Variants in CYP19A1 observed in about 807,000 individuals in gnomAD.
CYP19A1 encodes the protein cytochrome P450 family 19 subfamily A member 1.
A neutral mutation model predicts 44.4 loss-of-function variants in CYP19A1; 32 were observed. That is an observed-to-expected ratio of 0.72 (90% CI 0.54 to 0.97). The LOEUF is 0.97. CYP19A1 is among the 50% of genes least tolerant of loss of function. CYP19A1 has a pLI of 0.00. For missense variants in CYP19A1, 598 were observed against 637.8 expected (o/e 0.94, Z 0.67); for synonymous variants, 212 against 215.6 (o/e 0.98, Z 0.14).
intron 1 of CYP19A1, among the ~76,000 whole-genome samples, chr15:51,256,418 T>C (rs1158903905): frequency 2.0e-5 from 3 of 152,122 alleles, no homozygotes; most frequent in Non-Finnish European, 4.4e-5. Flanking sequence ...GACCTGAGAA[T>C]TGGGGAATTG....
At chr15:51,278,912 C>CATTTT (rs2035420812) in intron 1 of CYP19A1, 1 of 152,148 alleles carries the variant, frequency 6.6e-6, no homozygotes, top group African/African-American at 2.4e-5. Flanking sequence ...GGGACATTTA[C>CATTTT]ATTTTAGGAA....
rs34600565 is a variant in CYP19A1, at chr15:51,257,331, C to T, written c.-38-14381G>A. On this transcript the variant is annotated intron_variant, in intron 1 of 9. Transcript: ENST00000396402. Reference sequence around the variant, plus strand: ...CCAAGTGTAAACCTTGTGGTCATGGCCCCAATTCGCTACACTTCTGGGTTG... The same window carrying T: ...CCAAGTGTAAACCTTGTGGTCATGGTCCCAATTCGCTACACTTCTGGGTTG... Among the ~76,000 whole-genome samples, 444 of 152,328 alleles carry T rather than the reference C, an allele frequency of 2.9e-3. 8 individuals carry two copies. The East Asian group carries it at 0.059, about 20-fold the overall frequency.
intron 1 of CYP19A1, among the ~76,000 whole-genome samples, chr15:51,332,647 T>C (rs556262037): frequency 6.6e-6 from 1 of 152,358 alleles, no homozygotes; most frequent in South Asian, 2.1e-4. Flanking sequence ...CCCTTTTATC[T>C]GGTGGAAGAT....
chr15:51,309,392 G>T (rs2036271066), intron 1 of CYP19A1, among the ~76,000 whole-genome samples: 1 of 152,230 alleles, frequency 6.6e-6, no homozygotes, highest in Non-Finnish European at 1.5e-5. Flanking sequence ...CTAAGACAAA[G>T]ATATGGTTAA....
intron 2 of CYP19A1, 143 bp from the exon 3 acceptor site, chr15:51,237,152 GAAACAAAACA>G (rs3834541): frequency 1.5e-4 from 117 of 769,968 alleles, no homozygotes; most frequent in Middle Eastern, 3.5e-4. Flanking sequence ...AAAGTGATTT[GAAACAAAACA>G]AAACAAAACA....
At chr15:51,320,364 GAAGT>G (rs1240632130) in intron 1 of CYP19A1, 1 of 152,360 alleles carries the variant, frequency 6.6e-6, no homozygotes, top group Non-Finnish European at 1.5e-5. Context: ...AGCCCTGGGT[GAAGT>G]AAGCACTGGA....
intron 1 of CYP19A1, among the ~76,000 whole-genome samples, chr15:51,302,031 A>G (rs993548548): frequency 3.3e-5 from 5 of 152,192 alleles, no homozygotes; most frequent in East Asian, 1.9e-4. Context: ...AGGCTTCTTA[A>G]TCTCCCCCTT....
chr15:51,210,734 A>G lies in CYP19A1; in HGVS notation c.*74T>C. 6 of 975,144 alleles carry G rather than the reference A, an allele frequency of 6.2e-6. No individual in the cohort carries two copies. The highest frequency in any genetic ancestry group is 1.0e-5 in the Non-Finnish European group (6 of 596,270). 60.4% of individuals were successfully genotyped at this position (975,144 alleles called of 1,614,324 possible). A position where few individuals can be genotyped will look rare whatever the true frequency, so the allele number is the denominator to read the frequency against. ...GAGTGTTCACTGTGAGGATGACACT[A>G]TTGGCAAGGATGGATGATTTGTATG... On this transcript the variant is annotated 3_prime_UTR_variant, in exon 10 of 10. Transcript: ENST00000396402.
intron 1 of CYP19A1, among the ~76,000 whole-genome samples, chr15:51,263,212 A>C (rs1171308232): frequency 2.6e-5 from 4 of 152,234 alleles, no homozygotes; most frequent in African/African-American, 7.2e-5. Flanking sequence ...CTATTTTATC[A>C]CTGAAGCGGA....
intron 3 of CYP19A1, among the ~76,000 whole-genome samples, chr15:51,234,957 A>C (rs751916744): frequency 4.6e-5 from 7 of 152,034 alleles, no homozygotes; most frequent in Non-Finnish European, 1.0e-4. Context: ...GGGTCACTTC[A>C]CCTGTCTGCT....
intron 1 of CYP19A1, among the ~76,000 whole-genome samples, chr15:51,320,611 C>T (rs1194732858): frequency 6.6e-6 from 1 of 152,190 alleles, no homozygotes; most frequent in Non-Finnish European, 1.5e-5. Flanking sequence ...TGGGAAGACA[C>T]CAAATCTGTA....
chr15:51,324,210 A>G (rs1024934389), intron 1 of CYP19A1, among the ~76,000 whole-genome samples: 1 of 152,236 alleles, frequency 6.6e-6, no homozygotes, highest in African/African-American at 2.4e-5. Flanking sequence ...ACCAGCCCCA[A>G]AAAGAGTGGA....
rs982752444 is a variant in CYP19A1, at chr15:51,210,895, G to C, written c.1425C>G (p.His475Gln). The C allele has an allele frequency of 6.3e-7, 1 of 1,593,910 alleles. No individual in the cohort carries two copies. ...TCTCATCTGGGTGCAAGGACAAGTC[G>C]TGTATCTTCTGTATGCTCTCAACAC... Reference protein sequence around the residue: ...GQCVESIQKIHDLSLHPDETK... With the variant: ...GQCVESIQKIQDLSLHPDETK... The change falls in exon 10 of 10, where the codon CAC becomes CAG. Residue 475 changes from histidine (H) to glutamine (Q), a missense_variant. By Grantham distance (24) the His-to-Gln change is conservative. Transcript: ENST00000396402.
chr15:51,263,087 G>T (rs957046940), intron 1 of CYP19A1, among the ~76,000 whole-genome samples: 1 of 152,176 alleles, frequency 6.6e-6, no homozygotes, highest in Admixed American at 6.5e-5. Context: ...AATATGTTGT[G>T]ATATGAACTC....
At chr15:51,268,757 G>T (rs969998177) in intron 1 of CYP19A1, among the ~76,000 whole-genome samples, 1 of 152,044 alleles carries the variant, frequency 6.6e-6, no homozygotes, top group Non-Finnish European at 1.5e-5. Context: ...TTGAATTTTA[G>T]CCATTCTAGA....
intron 3 of CYP19A1, among the ~76,000 whole-genome samples, chr15:51,230,638 A>G (rs776612121): frequency 1.1e-4 from 10 of 88,214 alleles, no homozygotes; most frequent in East Asian, 3.2e-4. Context: ...TTTTTTTTTG[A>G]GACAGAGTCT....
intron 1 of CYP19A1, among the ~76,000 whole-genome samples, chr15:51,292,702 T>C (rs1426795834): frequency 6.6e-6 from 1 of 152,098 alleles, no homozygotes; most frequent in Non-Finnish European, 1.5e-5. Flanking sequence ...TTTGTATCCA[T>C]CCAGATGGGC....
chr15:51,262,150 A>G (rs2034748170), intron 1 of CYP19A1, among the ~76,000 whole-genome samples: 1 of 152,244 alleles, frequency 6.6e-6, no homozygotes, highest in African/African-American at 2.4e-5. Context: ...CACAAACAAT[A>G]GCATGAGCGA....
intron 1 of CYP19A1, among the ~76,000 whole-genome samples, chr15:51,245,741 A>C (rs1386418408): frequency 6.6e-6 from 1 of 152,266 alleles, no homozygotes; most frequent in Non-Finnish European, 1.5e-5. Context: ...TGTGTCAGAT[A>C]TTGGTCTAAG....
Sources: gnomAD v4.1 joint callset for allele counts (sites outside exome capture counted in the v4.1 genomes callset) on GRCh38, gnomAD v4.1.1 for gene constraint, MANE v1.5 for transcripts, NCBI Gene and HGNC (gene_info 2026-07-23, HGNC 2026-07-21) for gene names.